Variants in ENO4 observed in about 807,000 individuals in gnomAD.
The protein encoded by ENO4 is 2-phospho-D-glycerate hydro-lyase.
In ENO4, 53 loss-of-function variants were observed where a neutral mutation model predicts 63.2. The observed-to-expected ratio is 0.84, with a 90% CI of 0.67 to 1.05. The LOEUF (loss-of-function observed/expected upper bound fraction) is 1.05, where lower values mean the gene tolerates loss of function less well. Among genes scored for constraint, ENO4 ranks in the 50% least tolerant of loss-of-function variants. ENO4 has a pLI of 0.00. For missense variants in ENO4, 719 were observed against 772.0 expected, an observed-to-expected ratio of 0.93 and a Z score of 0.81; for synonymous variants, 266 against 283.8, an observed-to-expected ratio of 0.94 and a Z score of 0.63.
chr10:116,862,132 A>T (rs922187063), intron 6 of ENO4, among the ~76,000 whole-genome samples: 1 of 152,194 alleles, frequency 6.6e-6, no homozygotes, highest in Admixed American at 6.5e-5. Flanking sequence ...ACTCTAATCC[A>T]GACTACCTTG....
chr10:116,899,544 T>TGTGTGA (rs1564865093), intron 10 of ENO4, among the ~76,000 whole-genome samples: 1 of 99,164 alleles, frequency 1.0e-5, no homozygotes, highest in Non-Finnish European at 2.6e-5. Context: ...TGTGTGTGTG[T>TGTGTGA]GTGAGAGAGT....
intron 10 of ENO4, among the ~76,000 whole-genome samples, chr10:116,896,123 T>C (rs561378466): frequency 3.3e-5 from 5 of 152,308 alleles, no homozygotes; most frequent in African/African-American, 9.6e-5. Flanking sequence ...ATAGAAGTAT[T>C]AAAACACACA....
In ENO4 at chr10:116,881,768, C is replaced by A; in HGVS notation, c.*99C>A. ...TCTCCACATGGAGTTTCCTCTTCAA[C>A]TTCACCAACTCTTGTGGTTTTTATT... On this transcript the variant is annotated 3_prime_UTR_variant, in exon 14 of 14. Coordinates refer to ENST00000341276, the MANE Select transcript of ENO4 (RefSeq NM_001242699.2). The A allele has an allele frequency of 2.3e-6, 2 of 868,814 alleles. No individual in the cohort carries two copies. Among genetic ancestry groups the A allele is most frequent in the Non-Finnish European group, 3.2e-6 (2 of 627,622 alleles). The allele number at this position is 868,814 out of a possible 1,614,324, so 53.8% of individuals were successfully genotyped here.
chr10:116,849,801 T>TTGCGCC (rs762876769), intron 1 of ENO4, 70 bp downstream of exon 1: 118 of 1,431,806 alleles, frequency 8.2e-5, no homozygotes, highest in Middle Eastern at 2.5e-4. Context: ...CGGCAACGCC[T>TTGCGCC]TGCGCCTGCG....
chr10:116,901,682 A>G lies in ENO4; in HGVS notation c.1195-9817A>G, dbSNP rs1847743410. ...CCGGCGAGCCAATCAAAATCTCTCT[A>G]AAGGAAACAAATCAAAGAAACACAC... On this transcript the variant is annotated intron_variant, in intron 10 of 10. Coordinates refer to the ENO4 transcript ENST00000369207. 3.6e-6 allele frequency: 5 copies of G among 1,396,984 alleles called. No individual in the cohort carries two copies. In the East Asian group the frequency reaches 1.4e-4, roughly 40 times the overall value. The allele number at this position is 1,396,984 out of a possible 1,614,324, so 86.5% of individuals were successfully genotyped here.
chr10:116,887,586 G>A (rs1334557142), downstream of ENO4, among the ~76,000 whole-genome samples: 4 of 152,146 alleles, frequency 2.6e-5, no homozygotes, highest in African/African-American at 9.7e-5. Flanking sequence ...ACCAGGAGTT[G>A]GTTTCTACTA....
intron 3 of ENO4, among the ~76,000 whole-genome samples, chr10:116,858,548 GT>G (rs536087313): frequency 1.3e-5 from 2 of 151,780 alleles, no homozygotes; most frequent in Non-Finnish European, 2.9e-5. Context: ...ATTTCCAAAA[GT>G]TTTTTTTAAA....
At chr10:116,886,591 A>G (rs767108544), downstream of ENO4, 36 of 1,610,388 alleles carry the variant, frequency 2.2e-5, no homozygotes, top group Admixed American at 5.9e-4. Context: ...GTTAGACAAA[A>G]AAAGTAAAAA....
At chr10:116,904,698 C>G (rs1170249627) in intron 10 of ENO4, among the ~76,000 whole-genome samples, 1 of 152,142 alleles carries the variant, frequency 6.6e-6, no homozygotes, top group Non-Finnish European at 1.5e-5. Context: ...CCTTTCTGTA[C>G]TCTGAATTAT....
chr10:116,902,854 C>T (rs1847801717), intron 10 of ENO4, among the ~76,000 whole-genome samples: 1 of 152,150 alleles, frequency 6.6e-6, no homozygotes, highest in African/African-American at 2.4e-5. Flanking sequence ...GTGTCTATCC[C>T]TAACAAATGT....
intron 3 of ENO4, among the ~76,000 whole-genome samples, chr10:116,857,198 C>T (rs1001398073): frequency 2.0e-5 from 3 of 152,044 alleles, no homozygotes; most frequent in Non-Finnish European, 2.9e-5. Flanking sequence ...TAGGGCTTTT[C>T]GGTCTCTTTT....
At chr10:116,866,303 A>G (rs1846545824) in intron 7 of ENO4, among the ~76,000 whole-genome samples, 1 of 152,252 alleles carries the variant, frequency 6.6e-6, no homozygotes, top group Admixed American at 6.5e-5. Context: ...TCATGTTTGA[A>G]GGAAAAGCAG....
At chr10:116,902,090 T>G in intron 10 of ENO4, 1 of 737,156 alleles carries the variant, frequency 1.4e-6, no homozygotes, top group Non-Finnish European at 2.1e-6. Flanking sequence ...AAGAGCATGC[T>G]GGAAAATGTT....
Position 116,855,665 on chromosome 10 carries a change from A to G in ENO4, c.208A>G (p.Lys70Glu). Residue 70 changes from lysine to glutamate, a missense_variant, in exon 2 of 14, where the codon AAA (lysine) becomes GAA (glutamate). By Grantham distance (56) the Lys-to-Glu change is moderately conservative (BLOSUM62 1). This residue lies in a region of ENO4 where 544 missense variants were observed against 583.6 expected (regional missense o/e 0.93). Transcript: ENST00000341276. ...ACTTGCAAAGCCTCCCACCATATGC[A>G]AAATAGTGGGGAAAGACGTACTAGA... is the stretch of plus-strand genomic sequence containing the variant. ...SKLAKPPTIC[K>E]IVGKDVLDGL... is the part of the protein sequence containing the mutation. 6.5e-7 allele frequency: 1 copy of G among 1,536,354 alleles called. No homozygotes were observed. Among genetic ancestry groups the G allele is most frequent in the Non-Finnish European group, 8.7e-7 (1 of 1,146,952 alleles).
chr10:116,901,292 T>G (rs192248751), intron 10 of ENO4: 53 of 985,168 alleles, frequency 5.4e-5, no homozygotes, highest in Non-Finnish European at 6.3e-5. Context: ...ACTCTTTACA[T>G]AGTATGTTTT....
intron 8 of ENO4, among the ~76,000 whole-genome samples, chr10:116,869,938 T>C (rs6585420): frequency 0.062 from 9,363 of 152,152 alleles, 448 homozygotes; most frequent in East Asian, 0.22. Context: ...AAGGAGTAAA[T>C]GTATTTACTT....
chr10:116,871,558 A>T (rs563979975), intron 9 of ENO4, among the ~76,000 whole-genome samples: 1 of 151,950 alleles, frequency 6.6e-6, no homozygotes, highest in Non-Finnish European at 1.5e-5. Flanking sequence ...AGTTACTTAC[A>T]TTGCAATCCT....
chr10:116,875,643 A>C (rs953716054), intron 10 of ENO4, among the ~76,000 whole-genome samples: 1 of 151,884 alleles, frequency 6.6e-6, no homozygotes, highest in African/African-American at 2.4e-5. Context: ...TGATAGTCTC[A>C]CCAACAAAAA....
chr10:116,888,597 G>A (rs2133298541), intron 10 of ENO4, among the ~76,000 whole-genome samples: 1 of 152,282 alleles, frequency 6.6e-6, no homozygotes. Context: ...ACAATCTGCA[G>A]AATAAGCAGG....
Sources: allele counts gnomAD v4.1 joint callset (sites outside exome capture counted in the v4.1 genomes callset), GRCh38; gene constraint gnomAD v4.1.1; regional missense constraint gnomAD v4.1.1; transcripts MANE v1.5; gene names NCBI Gene and HGNC (gene_info 2026-07-23, HGNC 2026-07-21).